MZT2B: variants seen among roughly 807,000 people sequenced by gnomAD.
MZT2B encodes mitotic-spindle organizing protein 2B.
Under a neutral mutation model 12.1 loss-of-function variants are expected in MZT2B, and 11 were observed. That is an observed-to-expected ratio of 0.91 (90% confidence interval 0.57 to 1.50). The LOEUF is 1.50. Ranked by LOEUF, MZT2B falls within the 40% of genes most tolerant of loss-of-function variation. The pLI is 0.00. For synonymous variants in MZT2B, 85 were observed against 109.5 expected (o/e 0.78, Z 1.40); for missense variants, 209 against 227.7 (o/e 0.92, Z 0.53).
At chr2:130,191,668 C>T, downstream of MZT2B, 2 of 1,318,922 alleles carry the variant, frequency 1.5e-6, no homozygotes, top group Non-Finnish European at 2.0e-6. Context: ...AGGCTGGCAC[C>T]CCACCGCTGT....
intron 2 of MZT2B, chr2:130,184,398 G>T: frequency 2.0e-6 from 2 of 985,430 alleles, no homozygotes; most frequent in Non-Finnish European, 2.4e-6. Context: ...AGTCTCCTGG[G>T]CAGTGCCACA....
At chr2:130,190,409 G>C in intron 2 of MZT2B, 60 bp from the exon 3 acceptor site, 1 of 1,594,076 alleles carries the variant, frequency 6.3e-7, no homozygotes, top group South Asian at 1.1e-5. Flanking sequence ...CACGAGTACA[G>C]CAGGTGCTGC....
Position 130,190,114 on chromosome 2 carries a change from A to G in MZT2B, c.320-355A>G, listed in dbSNP as rs573064774. Among the ~76,000 whole-genome samples, 359 of 152,328 alleles carry G rather than the reference A, an allele frequency of 2.4e-3. 2 individuals are homozygous for G. Among genetic ancestry groups the G allele is most frequent in the African/African-American group, 8.3e-3 (345 of 41,584 alleles). On this transcript the variant is annotated intron_variant, in intron 2 of 2. Coordinates refer to ENST00000281871, the MANE Select transcript of MZT2B (RefSeq NM_025029.5). ...TGCTGCCGCCGCTGATGGCACCATC[A>G]GGGCAGACTAGGTTTGCTGACCAGG...
chr2:130,204,673 A>G, the MZT2B span, among the ~76,000 whole-genome samples: 1 of 140,026 alleles, frequency 7.1e-6, no homozygotes, highest in Admixed American at 7.5e-5. Flanking sequence ...CCTGGGCATC[A>G]AGAGCAAAAC....
the MZT2B span, among the ~76,000 whole-genome samples, chr2:130,203,723 A>G: frequency 6.6e-6 from 1 of 152,190 alleles, no homozygotes; most frequent in Admixed American, 6.6e-5. Context: ...TGCTGGGATG[A>G]CAGGCTTGAG....
Position 130,182,392 on chromosome 2 carries a change from A to G in MZT2B, c.110A>G (p.Glu37Gly). 2 of 1,560,788 alleles carry G rather than the reference A, an allele frequency of 1.3e-6. No individual in the cohort carries two copies. Among genetic ancestry groups the G allele is most frequent in the Non-Finnish European group, 1.7e-6 (2 of 1,156,664 alleles). ...LRRKKVLSTEEMELYELAQAA... is the reference protein window; with the variant it reads ...LRRKKVLSTEGMELYELAQAA... ...CGGAAGAAGGTGCTGAGCACCGAGG[A>G]GATGGAGCTGTACGAGCTGGCGCAG... The change falls in exon 1 of 3, where the codon GAG becomes GGG. Residue 37 changes from glutamate to glycine, a missense_variant. Transcript: ENST00000281871.
intron 2 of MZT2B, 74 bp from the exon 3 acceptor site, chr2:130,190,395 G>A (rs539180851): frequency 1.3e-6 from 2 of 1,584,328 alleles, no homozygotes; most frequent in South Asian, 2.2e-5. Context: ...TGTTGCCCAA[G>A]GACCACGAGT....
In MZT2B at chr2:130,187,172, C is replaced by G. The variant is rs144328728; in HGVS notation, c.320-3297C>G. Among the ~76,000 whole-genome samples, 167 of 151,734 alleles carry G rather than the reference C, an allele frequency of 1.1e-3. 1 individual carries two copies. The highest frequency in any genetic ancestry group is 2.1e-3 in the Non-Finnish European group (141 of 67,946). On this transcript the variant is annotated intron_variant, in intron 2 of 2. Coordinates refer to ENST00000281871, the MANE Select transcript of MZT2B (RefSeq NM_025029.5). ...TTAGATTAAAGTATTTGAGCTAATT[C>G]TGCATTTTCTTTTACTTTTTATTTA...
At chr2:130,189,159 A>G (rs1690170071) in intron 2 of MZT2B, among the ~76,000 whole-genome samples, 1 of 152,120 alleles carries the variant, frequency 6.6e-6, no homozygotes, top group African/African-American at 2.4e-5. Flanking sequence ...GGGAGCTTAC[A>G]TACAGAGGGG....
chr2:130,190,759 T>G (rs1385885057), downstream of MZT2B: 747 of 1,430,014 alleles, frequency 5.2e-4, 1 homozygote, highest in Middle Eastern at 1.5e-3. Context: ...TTTTTGTTTT[T>G]TTTTTTATAT....
chr2:130,187,545 G>C (rs1690110326), intron 2 of MZT2B, among the ~76,000 whole-genome samples: 2 of 152,246 alleles, frequency 1.3e-5, no homozygotes, highest in South Asian at 4.1e-4. Flanking sequence ...GTTTAGGAGG[G>C]CCCTCCAGGG....
At chr2:130,184,630 G>C in intron 2 of MZT2B, 1 of 985,428 alleles carries the variant, frequency 1.0e-6, no homozygotes. Context: ...GGAGGGTGGA[G>C]AGGGGCTGAG....
At chr2:130,191,311 C>G (rs1690252117), downstream of MZT2B, among the ~76,000 whole-genome samples, 1 of 152,124 alleles carries the variant, frequency 6.6e-6, no homozygotes, top group South Asian at 2.1e-4. Flanking sequence ...TGTGTTGTGA[C>G]CTTCTGTGGG....
chr2:130,189,294 C>A (rs1690174526), intron 2 of MZT2B, among the ~76,000 whole-genome samples: 1 of 152,106 alleles, frequency 6.6e-6, no homozygotes, highest in African/African-American at 2.4e-5. Context: ...GGACCAGTTT[C>A]CACGTGCTTA....
intron 2 of MZT2B, chr2:130,183,047 C>T (rs1689844766): frequency 5.2e-6 from 3 of 578,434 alleles, no homozygotes; most frequent in East Asian, 3.1e-5. Flanking sequence ...CCTCTTCACT[C>T]AGGCCTTCAT....
chr2:130,202,936 T>TCCCC, the MZT2B span, among the ~76,000 whole-genome samples: 6 of 152,118 alleles, frequency 3.9e-5, no homozygotes, highest in African/African-American at 1.4e-4. Context: ...TGTGGCTGAT[T>TCCCC]CCCCCATAAC....
chr2:130,196,470 A>C, the MZT2B span: 1 of 1,483,928 alleles, frequency 6.7e-7, no homozygotes. Flanking sequence ...ATAGTGCTTC[A>C]GTATCTGGCG....
At chr2:130,194,232 C>T, downstream of MZT2B, 1 of 1,612,374 alleles carries the variant, frequency 6.2e-7, no homozygotes, top group Non-Finnish European at 8.5e-7. Context: ...TCATTGTCGA[C>T]CATGAAGGCA....
At chr2:130,200,471 A>G in the MZT2B span, among the ~76,000 whole-genome samples, 1 of 152,216 alleles carries the variant, frequency 6.6e-6, no homozygotes, top group Non-Finnish European at 1.5e-5. Context: ...ACAGGAAGAT[A>G]ATGGGTTGAG....
Sources: gnomAD v4.1 joint callset for allele counts (sites outside exome capture counted in the v4.1 genomes callset) on GRCh38, gnomAD v4.1.1 for gene constraint, MANE v1.5 for transcripts, NCBI Gene and HGNC (gene_info 2026-07-23, HGNC 2026-07-21) for gene names.